PKD1L1: variants seen among roughly 807,000 people sequenced by gnomAD.
PKD1L1 encodes the protein polycystin 1 like 1, transient receptor potential channel interacting.
Under a neutral mutation model 323.4 loss-of-function variants are expected in PKD1L1, and 236 were observed. That is an observed-to-expected ratio of 0.73 (90% CI 0.66 to 0.81). The LOEUF (loss-of-function observed/expected upper bound fraction) is 0.81, where lower values mean the gene tolerates loss of function less well. Ranked by LOEUF, PKD1L1 falls within the 40% of genes least tolerant of loss-of-function variation. PKD1L1 has a pLI of 0.00. For synonymous variants in PKD1L1, 1,344 were observed against 1,335.0 expected, an observed-to-expected ratio of 1.01 and a Z score of -0.15; for missense variants, 3,320 against 3,508.0, an observed-to-expected ratio of 0.95 and a Z score of 1.35.
At chr7:47,861,517 C>T (rs147252336) in intron 26 of PKD1L1, among the ~76,000 whole-genome samples, 129 of 152,240 alleles carry the variant, frequency 8.5e-4, no homozygotes, top group African/African-American at 3.0e-3. Flanking sequence ...AGGGAAGATG[C>T]CTACGTTGGG....
In PKD1L1 at chr7:47,827,410, G is replaced by T; in HGVS notation, c.6794C>A (p.Ala2265Asp). 1.2e-6 allele frequency: 2 copies of T among 1,613,384 alleles called. No individual in the cohort carries two copies. Among genetic ancestry groups the T allele is most frequent in the Non-Finnish European group, 1.7e-6 (2 of 1,179,878 alleles). The part of the protein sequence containing the change: ...HLRWAHPPSK[A>D]QLRGTRQRMR... ...CCTCTGTCTGGTGCCCCTCAGCTGG[G>T]CCTTGGATGGTGGATGCGCCCAGCG... The change falls in exon 45 of 57, where the codon GCC (alanine) becomes GAC (aspartate). Residue 2265 changes from alanine to aspartate, a missense_variant. By Grantham distance (126) the Ala-to-Asp change is moderately radical (BLOSUM62 -2). Transcript: ENST00000289672.
upstream of PKD1L1, among the ~76,000 whole-genome samples, chr7:47,950,180 AAC>A (rs1788183260): frequency 6.6e-6 from 1 of 152,164 alleles, no homozygotes; most frequent in African/African-American, 2.4e-5. Context: ...GTCAAATCTA[AAC>A]AGAGTCCACT....
At chr7:47,821,292 G>A (rs1362611014) in intron 45 of PKD1L1, 106 bp from the exon 46 acceptor site, 8 of 622,216 alleles carry the variant, frequency 1.3e-5, no homozygotes, top group East Asian at 3.0e-5. Flanking sequence ...TTTTTGAGAC[G>A]GAGTCTCACT....
intron 13 of PKD1L1, 89 bp downstream of exon 13, chr7:47,902,290 C>T: frequency 2.0e-6 from 3 of 1,514,314 alleles, no homozygotes; most frequent in Non-Finnish European, 2.7e-6. Flanking sequence ...CGCTTCATGC[C>T]CCAAACTCTC....
intron 2 of PKD1L1, among the ~76,000 whole-genome samples, chr7:47,942,921 C>T (rs1788017981): frequency 1.3e-5 from 2 of 152,020 alleles, no homozygotes; most frequent in East Asian, 1.9e-4. Context: ...CCGAGGTGGG[C>T]AGATCACGAG....
Position 47,931,109 on chromosome 7 carries a change from G to T in PKD1L1, c.732C>A (p.Pro244=). The T allele has an allele frequency of 6.2e-7, 1 of 1,613,818 alleles. No individual in the cohort carries two copies. Among genetic ancestry groups the T allele is most frequent in the Non-Finnish European group, 8.5e-7 (1 of 1,179,824 alleles). Residue 244 remains proline (P), a synonymous_variant, in exon 6 of 57, where the codon CCC becomes CCA. Transcript: ENST00000289672. ...LWPISHFPTS[P]RSSHGLPPGI... Reference sequence around the variant, plus strand: ...CCATACCTCCTTCACCGTACCTTCTGGGAGAAGTGGGAAAATGTGAAATCG... The same window carrying T: ...CCATACCTCCTTCACCGTACCTTCTTGGAGAAGTGGGAAAATGTGAAATCG...
chr7:47,807,114 A>C (rs549517773), intron 52 of PKD1L1, among the ~76,000 whole-genome samples: 2 of 152,196 alleles, frequency 1.3e-5, no homozygotes, highest in Admixed American at 1.3e-4. Flanking sequence ...TCTGTGAGTG[A>C]CAGTTGCTTT....
the PKD1L1 span, among the ~76,000 whole-genome samples, chr7:47,956,235 T>C: frequency 1.3e-5 from 2 of 152,178 alleles, no homozygotes; most frequent in Non-Finnish European, 1.5e-5. Flanking sequence ...AGCACCGCAC[T>C]TGGAGAATTT....
At chr7:47,829,917 A>C in intron 43 of PKD1L1, 123 bp downstream of exon 43, 1 of 942,142 alleles carries the variant, frequency 1.1e-6, no homozygotes, top group Non-Finnish European at 1.7e-6. Context: ...GTTCTCTCCA[A>C]CCACAGCTGA....
rs186299535 is a variant in PKD1L1, at chr7:47,806,873, T to C, written c.7827+1374A>G. On this transcript the variant is annotated intron_variant, in intron 52 of 56. Transcript: ENST00000289672. ...CCAAGAAGAGGATGCCCTCTAACAC[T>C]TTAGCACAGCATGTTATGTTCCCCC... Among the ~76,000 whole-genome samples, 102 of 152,202 alleles carry C rather than the reference T, an allele frequency of 6.7e-4. 1 individual carries two copies. Among genetic ancestry groups the C allele is most frequent in the African/African-American group, 2.2e-3 (90 of 41,538 alleles).
intron 45 of PKD1L1, among the ~76,000 whole-genome samples, chr7:47,823,910 T>C (rs1206437287): frequency 1.3e-5 from 2 of 152,216 alleles, no homozygotes; most frequent in East Asian, 3.8e-4. Context: ...ACATTGTGGG[T>C]GTTGTTACCA....
intron 56 of PKD1L1, among the ~76,000 whole-genome samples, chr7:47,781,900 C>T (rs768946893): frequency 6.6e-5 from 10 of 152,126 alleles, no homozygotes; most frequent in Non-Finnish European, 1.0e-4. Flanking sequence ...TCAATTGCAT[C>T]GGTAACATTG....
rs377233699 is a variant in PKD1L1 at position 47,829,380 on chromosome 7, A to C, written c.6735+45T>G. ...AGATATGCATGATAGAATATAAAGTAGTTTTTTAAATCTCAATTTGCACTG... is the reference window on the plus strand; with the variant it reads ...AGATATGCATGATAGAATATAAAGTCGTTTTTTAAATCTCAATTTGCACTG... On this transcript the variant is annotated intron_variant, in intron 44 of 56. Transcript: ENST00000289672. 680 of 1,510,200 alleles carry C rather than the reference A, an allele frequency of 4.5e-4. 2 individuals are homozygous for C. The Middle Eastern group carries it at 6.6e-3, about 15-fold the overall frequency. The allele number at this position is 1,510,200 out of a possible 1,614,324, so 93.5% of individuals were successfully genotyped here.
In PKD1L1 at chr7:47,851,726, C is replaced by T. The variant is rs1284759527; in HGVS notation, c.4960+1401G>A. Among the ~76,000 whole-genome samples the T allele has an allele frequency of 2.0e-5, 3 of 152,204 alleles. No individual in the cohort carries two copies. The East Asian group carries it at 5.8e-4, about 29-fold the overall frequency. On this transcript the variant is annotated intron_variant, in intron 31 of 56. Coordinates refer to ENST00000289672, the MANE Select transcript of PKD1L1 (RefSeq NM_138295.5). ...TTAGCACCATCGCCTATGGAATATGCTGCCAATCATCTGTGAACTGAATTT... is the reference window on the plus strand; with the variant it reads ...TTAGCACCATCGCCTATGGAATATGTTGCCAATCATCTGTGAACTGAATTT...
intron 19 of PKD1L1, among the ~76,000 whole-genome samples, chr7:47,883,576 G>C (rs539059736): frequency 6.6e-6 from 1 of 152,266 alleles, no homozygotes; most frequent in South Asian, 2.1e-4. Flanking sequence ...CTTGTCTCTA[G>C]GACCTGGGAG....
At chr7:47,812,768 G>A (rs573558166) in intron 49 of PKD1L1, among the ~76,000 whole-genome samples, 3 of 152,334 alleles carry the variant, frequency 2.0e-5, no homozygotes, top group African/African-American at 7.2e-5. Flanking sequence ...AAGTAGCACA[G>A]GGCCTATTCC....
chr7:47,854,898 C>T lies in PKD1L1; in HGVS notation c.4843G>A (p.Val1615Ile), dbSNP rs369137577. Residue 1615 changes from valine to isoleucine, a missense_variant, in exon 30 of 57, where the codon GTC becomes ATC. Physicochemically the swap from Val to Ile is conservative, Grantham distance 29. Coordinates refer to ENST00000289672, the MANE Select transcript of PKD1L1 (RefSeq NM_138295.5). Reference protein sequence around the residue: ...FSKPVTRAFPVMLLVRFSEKP... With the variant: ...FSKPVTRAFPIMLLVRFSEKP... ...TCAACACACCTTACTAGCAACATGA[C>T]GGGAAATGCCCTTGTAACAGGTTTG... 166 of 1,614,066 alleles carry T rather than the reference C, an allele frequency of 1.0e-4. No individual in the cohort carries two copies. Among genetic ancestry groups the T allele is most frequent in the South Asian group, 5.2e-4 (47 of 91,028 alleles).
chr7:47,814,065 C>T (rs1401333147), intron 47 of PKD1L1, 51 bp from the exon 48 acceptor site: 2 of 1,502,626 alleles, frequency 1.3e-6, no homozygotes, highest in South Asian at 1.1e-5. Flanking sequence ...GGACTTCAAA[C>T]CTCCTCATCA....
chr7:47,779,001 C>T (rs559382635), intron 56 of PKD1L1, among the ~76,000 whole-genome samples: 1 of 152,306 alleles, frequency 6.6e-6, no homozygotes, highest in Admixed American at 6.5e-5. Context: ...AAGTTCTTGT[C>T]CTATGGAGAG....
Sources: gnomAD v4.1 joint callset for allele counts (sites outside exome capture counted in the v4.1 genomes callset) on GRCh38, gnomAD v4.1.1 for gene constraint, MANE v1.5 for transcripts, NCBI Gene and HGNC (gene_info 2026-07-23, HGNC 2026-07-21) for gene names.